GALNT13: variants seen among roughly 807,000 people sequenced by gnomAD.
The protein encoded by GALNT13 is polypeptide N-acetylgalactosaminyltransferase 13.
Under a neutral mutation model 64.2 loss-of-function variants are expected in GALNT13, and 28 were observed. The observed-to-expected ratio is 0.44, with a 90% CI of 0.32 to 0.60. GALNT13 has a LOEUF of 0.60. GALNT13 is among the 20% of genes least tolerant of loss of function. The pLI, the probability that GALNT13 is intolerant of heterozygous loss-of-function variation, is 0.05. For synonymous variants in GALNT13, 214 were observed against 224.6 expected (o/e 0.95, Z 0.42); for missense variants, 577 against 669.8 (o/e 0.86, Z 1.53).
At chr2:153,401,793 A>C in the GALNT13 span, among the ~76,000 whole-genome samples, 1 of 151,324 alleles carries the variant, frequency 6.6e-6, no homozygotes, top group Non-Finnish European at 1.5e-5. Context: ...ATCTTTCTCC[A>C]TCCTTTTATT....
intron 4 of GALNT13, among the ~76,000 whole-genome samples, chr2:154,187,547 G>A (rs750261955): frequency 5.9e-5 from 9 of 151,750 alleles, no homozygotes; most frequent in Admixed American, 1.3e-4. Flanking sequence ...TGCAGATTTG[G>A]GCTAGTCAGC....
the GALNT13 span, among the ~76,000 whole-genome samples, chr2:153,816,449 G>A: frequency 6.6e-6 from 1 of 152,102 alleles, no homozygotes; most frequent in Non-Finnish European, 1.5e-5. Flanking sequence ...GCAGTTCATG[G>A]AATGATTTTC....
intron 4 of GALNT13, among the ~76,000 whole-genome samples, chr2:154,230,586 G>T (rs976447436): frequency 6.6e-6 from 1 of 151,828 alleles, no homozygotes; most frequent in South Asian, 2.1e-4. Context: ...AGATAAACAG[G>T]GTGTTTTAAA....
At chr2:153,335,290 C>T in the GALNT13 span, among the ~76,000 whole-genome samples, 1 of 152,262 alleles carries the variant, frequency 6.6e-6, no homozygotes, top group Middle Eastern at 3.4e-3. Flanking sequence ...AGCTTAGGAA[C>T]TGGATAACAG....
intron 8 of GALNT13, among the ~76,000 whole-genome samples, chr2:154,290,945 G>T (rs368303342): frequency 5.8e-4 from 88 of 152,106 alleles, no homozygotes; most frequent in Admixed American, 2.6e-3. Context: ...CTCCCGGTGG[G>T]TTCGTGGTCT....
intron 1 of GALNT13, among the ~76,000 whole-genome samples, chr2:153,900,218 C>T (rs1011075589): frequency 2.6e-5 from 4 of 152,076 alleles, no homozygotes; most frequent in Admixed American, 2.6e-4. Context: ...GTATATACTC[C>T]GTAGTGTAAA....
chr2:153,100,550 C>T, the GALNT13 span, among the ~76,000 whole-genome samples: 32,097 of 152,120 alleles, frequency 0.21, 4,128 homozygotes, highest in East Asian at 0.57. Context: ...GTGGGGCTTA[C>T]GGCTCTTGTA....
intron 12 of GALNT13, chr2:154,445,953 A>G: frequency 1.9e-6 from 1 of 520,874 alleles, no homozygotes; most frequent in Non-Finnish European, 3.4e-6. Flanking sequence ...TGTTTGGAGA[A>G]TTAGATTAAG....
chr2:154,348,550 C>A (rs1390969074), intron 9 of GALNT13, among the ~76,000 whole-genome samples: 2 of 151,884 alleles, frequency 1.3e-5, no homozygotes, highest in Non-Finnish European at 2.9e-5. Context: ...GTGTTCATTC[C>A]CTCCTGACAG....
chr2:153,891,701 A>G (rs535743605), intron 1 of GALNT13, among the ~76,000 whole-genome samples: 1 of 152,204 alleles, frequency 6.6e-6, no homozygotes, highest in East Asian at 1.9e-4. Flanking sequence ...TAAATACTCT[A>G]CATTGTCAAT....
chr2:153,592,151 A>G, the GALNT13 span, among the ~76,000 whole-genome samples: 1 of 152,122 alleles, frequency 6.6e-6, no homozygotes, highest in African/African-American at 2.4e-5. Flanking sequence ...GTCTTACAAC[A>G]GTCAGAATGG....
In GALNT13 at chr2:153,894,836, G is replaced by A. The variant is rs551465668; in HGVS notation, c.-176-6100G>A. On this transcript the variant is annotated intron_variant, in intron 1 of 12. Coordinates refer to ENST00000392825, the MANE Select transcript of GALNT13 (RefSeq NM_052917.4). ...CAAAAAGTTCATATATCTTTACTTC[G>A]GTAAGGTTTAGTTTTTGTCTGACAT... Among the ~76,000 whole-genome samples, 129 of 152,062 alleles carry A rather than the reference G, an allele frequency of 8.5e-4. 4 individuals carry two copies. In the South Asian group the frequency reaches 0.026, roughly 31 times the overall value.
intron 7 of GALNT13, among the ~76,000 whole-genome samples, chr2:154,258,661 G>A (rs1247958965): frequency 6.6e-6 from 1 of 151,752 alleles, no homozygotes; most frequent in Non-Finnish European, 1.5e-5. Context: ...GACCTAAGTT[G>A]ACACCTGATA....
At chr2:153,181,024 T>C in the GALNT13 span, among the ~76,000 whole-genome samples, 2 of 120,456 alleles carry the variant, frequency 1.7e-5, no homozygotes, top group South Asian at 5.3e-4. Flanking sequence ...CTGGTTTTTA[T>C]TGTTTCTTTT....
intron 3 of GALNT13, among the ~76,000 whole-genome samples, chr2:154,054,677 A>C (rs534044795): frequency 3.9e-5 from 6 of 152,156 alleles, no homozygotes; most frequent in African/African-American, 1.4e-4. Context: ...CTATGCAGAC[A>C]GGAGGGAGGG....
intron 9 of GALNT13, among the ~76,000 whole-genome samples, chr2:154,363,694 TATAAA>T (rs1697206613): frequency 6.6e-6 from 1 of 152,218 alleles, no homozygotes; most frequent in African/African-American, 2.4e-5. Flanking sequence ...TTGGAATAAA[TATAAA>T]AGATAAAGAC....
At chr2:153,400,877 C>T in the GALNT13 span, among the ~76,000 whole-genome samples, 5 of 151,644 alleles carry the variant, frequency 3.3e-5, no homozygotes, top group African/African-American at 4.9e-5. Context: ...AAAAAACCAG[C>T]TCCTGGATTC....
intron 3 of GALNT13, among the ~76,000 whole-genome samples, chr2:154,114,504 C>T (rs1036009845): frequency 1.3e-5 from 2 of 152,142 alleles, no homozygotes; most frequent in Non-Finnish European, 1.5e-5. Flanking sequence ...AAATGCCTAT[C>T]ATTTCTCTTT....
At chr2:153,537,302 G>A in the GALNT13 span, among the ~76,000 whole-genome samples, 1 of 152,192 alleles carries the variant, frequency 6.6e-6, no homozygotes, top group African/African-American at 2.4e-5. Flanking sequence ...TTTCCAAAGA[G>A]CATTCTGGCA....
Sources: gnomAD v4.1 joint callset for allele counts (sites outside exome capture counted in the v4.1 genomes callset) on GRCh38, gnomAD v4.1.1 for gene constraint, MANE v1.5 for transcripts, NCBI Gene and HGNC (gene_info 2026-07-23, HGNC 2026-07-21) for gene names.